LARP4B: variants seen among roughly 807,000 people sequenced by gnomAD.
LARP4B encodes La ribonucleoprotein 4B, also known as la-related protein 4B.
LARP4B carries 12 observed loss-of-function variants against 89.8 expected under a neutral mutation model. The observed-to-expected ratio is 0.13, with a 90% CI of 0.09 to 0.22. The LOEUF is 0.22. Ranked by LOEUF, LARP4B falls within the 10% of genes least tolerant of loss-of-function variation. LARP4B has a pLI of 1.00. For missense variants in LARP4B, 757 were observed against 947.7 expected, an observed-to-expected ratio of 0.80 and a Z score of 2.64; for synonymous variants, 367 against 363.3, an observed-to-expected ratio of 1.01 and a Z score of -0.12.
At chr10:895,013 C>T (rs1477974996) in intron 1 of LARP4B, among the ~76,000 whole-genome samples, 1 of 152,140 alleles carries the variant, frequency 6.6e-6, no homozygotes, top group African/African-American at 2.4e-5. Context: ...CAGTGAAACC[C>T]TGTCTCTACT....
At chr10:893,815 T>C (rs1836110136) in intron 1 of LARP4B, among the ~76,000 whole-genome samples, 1 of 152,124 alleles carries the variant, frequency 6.6e-6, no homozygotes, top group Admixed American at 6.5e-5. Flanking sequence ...CACATCAGGA[T>C]CAGGAAGAAT....
the LARP4B span, among the ~76,000 whole-genome samples, chr10:945,696 A>AG: frequency 6.6e-6 from 1 of 151,842 alleles, no homozygotes; most frequent in South Asian, 2.1e-4. Flanking sequence ...TCAGAAAAAA[A>AG]AAAAAAAGAC....
At chr10:895,012 C>G (rs1836143967) in intron 1 of LARP4B, among the ~76,000 whole-genome samples, 1 of 152,078 alleles carries the variant, frequency 6.6e-6, no homozygotes, top group African/African-American at 2.4e-5. Context: ...ACAGTGAAAC[C>G]CTGTCTCTAC....
At chr10:836,173 G>A (rs1833209425) in intron 8 of LARP4B, among the ~76,000 whole-genome samples, 1 of 151,852 alleles carries the variant, frequency 6.6e-6, no homozygotes, top group Non-Finnish European at 1.5e-5. Flanking sequence ...ATATAGAAAT[G>A]CATAAACCTT....
intron 3 of LARP4B, among the ~76,000 whole-genome samples, chr10:869,520 A>C (rs1002108429): frequency 6.6e-6 from 1 of 152,222 alleles, no homozygotes; most frequent in Non-Finnish European, 1.5e-5. Flanking sequence ...TGTTATAGTA[A>C]TTCACAGCCA....
At chr10:855,563 T>A (rs1372194792) in intron 5 of LARP4B, among the ~76,000 whole-genome samples, 1 of 152,132 alleles carries the variant, frequency 6.6e-6, no homozygotes, top group Admixed American at 6.6e-5. Flanking sequence ...GTTTGCCACC[T>A]TAAATGGTGT....
chr10:900,919 C>CTTTT (rs34586444), intron 1 of LARP4B, among the ~76,000 whole-genome samples: 14,256 of 100,870 alleles, frequency 0.14, 1,163 homozygotes, highest in Non-Finnish European at 0.18. Context: ...CGCCTGGCCT[C>CTTTT]TTTTTTTTTT....
chr10:892,447 T>C (rs1046359235), intron 1 of LARP4B, among the ~76,000 whole-genome samples: 25 of 152,220 alleles, frequency 1.6e-4, no homozygotes, highest in Admixed American at 1.4e-3. Flanking sequence ...ATGGTCTTTC[T>C]AGACACACAA....
intron 9 of LARP4B, 50 bp downstream of exon 9, chr10:830,816 TA>T: frequency 3.7e-6 from 3 of 821,416 alleles, no homozygotes; most frequent in South Asian, 3.0e-5. Flanking sequence ...GCACTAATAG[TA>T]AAAACTGGTA....
At chr10:835,230 T>C (rs945516333) in intron 8 of LARP4B, among the ~76,000 whole-genome samples, 1 of 152,116 alleles carries the variant, frequency 6.6e-6, no homozygotes, top group African/African-American at 2.4e-5. Flanking sequence ...ATGAGAGTAA[T>C]AGAATTTCTT....
chr10:808,428 GA>G (rs1176087394), downstream of LARP4B: 1 of 152,220 alleles, frequency 6.6e-6, no homozygotes, highest in African/African-American at 2.4e-5. Flanking sequence ...ATACTTTGAT[GA>G]GTTCTATGAA....
chr10:950,637 G>A, the LARP4B span, among the ~76,000 whole-genome samples: 23 of 152,076 alleles, frequency 1.5e-4, no homozygotes, highest in Admixed American at 3.9e-4. Flanking sequence ...AACACCCTGC[G>A]TCTCTCTCTT....
Position 822,343 on chromosome 10 carries a change from G to C in LARP4B, c.1485-1498C>G, listed in dbSNP as rs774089096. ...CAGCCACATGGGCAGAGGACATCCC[G>C]CAGGGCTCGGCACAGGGCATCCCTC... On this transcript the variant is annotated intron_variant, in intron 13 of 17. Transcript: ENST00000316157. This position sits in a 1 kb window ranked among gnomAD's most constrained non-coding sequence, Gnocchi z 4.6. Among the ~76,000 whole-genome samples the C allele has an allele frequency of 6.6e-6, 1 of 152,206 alleles. No individual in the cohort carries two copies. Among genetic ancestry groups the C allele is most frequent in the Non-Finnish European group, 1.5e-5 (1 of 68,032 alleles).
At chr10:881,568 G>A (rs191424587) in intron 3 of LARP4B, among the ~76,000 whole-genome samples, 209 of 152,270 alleles carry the variant, frequency 1.4e-3, no homozygotes, top group Non-Finnish European at 2.5e-3. Context: ...TGAGGGAATC[G>A]AGAGTTTCAT....
chr10:973,010 G>T, the LARP4B span: 1 of 386,898 alleles, frequency 2.6e-6, no homozygotes, highest in Non-Finnish European at 5.1e-6. Flanking sequence ...GTGGGACAAA[G>T]AGGCAAGGAG....
chr10:954,446 G>A, the LARP4B span, among the ~76,000 whole-genome samples: 5 of 152,162 alleles, frequency 3.3e-5, no homozygotes, highest in South Asian at 2.1e-4. The surrounding 1 kb of genome is among the most constrained non-coding windows in gnomAD (Gnocchi z 5.0). Context: ...ATGGAAAGAC[G>A]GGGGTGTGAG....
the LARP4B span, among the ~76,000 whole-genome samples, chr10:954,530 T>C: frequency 1.6e-4 from 24 of 151,860 alleles, no homozygotes; most frequent in African/African-American, 5.8e-4. This position sits in a 1 kb window ranked among gnomAD's most constrained non-coding sequence, Gnocchi z 5.0. Flanking sequence ...TTGGGCCCCG[T>C]GGAATGGGAG....
At chr10:929,226 A>C (rs1837233459) in intron 1 of LARP4B, among the ~76,000 whole-genome samples, 1 of 151,840 alleles carries the variant, frequency 6.6e-6, no homozygotes, top group Non-Finnish European at 1.5e-5. Context: ...CAAGCCAAAA[A>C]AAACAAAACA....
intron 1 of LARP4B, among the ~76,000 whole-genome samples, chr10:893,722 C>A (rs1016130062): frequency 1.2e-4 from 19 of 152,146 alleles, no homozygotes; most frequent in African/African-American, 4.3e-4. Flanking sequence ...AAGCAGGAAG[C>A]CATGAAGACA....
Sources: gnomAD v4.1 joint callset for allele counts (sites outside exome capture counted in the v4.1 genomes callset) on GRCh38, gnomAD v4.1.1 for gene constraint, Gnocchi (gnomAD v3.1) non-coding constraint, MANE v1.5 for transcripts, NCBI Gene and HGNC (gene_info 2026-07-23, HGNC 2026-07-21) for gene names.